Variants in KCNJ15 observed in about 807,000 individuals in gnomAD.
KCNJ15 encodes potassium inwardly rectifying channel subfamily J member 15.
A neutral mutation model predicts 23.0 loss-of-function variants in KCNJ15; 14 were observed. The observed-to-expected ratio is 0.61, with a 90% confidence interval of 0.40 to 0.95. KCNJ15 has a LOEUF of 0.95. Among genes scored for constraint, KCNJ15 ranks in the 40% least tolerant of loss-of-function variants. The pLI, the probability that KCNJ15 is intolerant of heterozygous loss-of-function variation, is 0.00. For synonymous variants in KCNJ15, 185 were observed against 183.2 expected (o/e 1.01, Z -0.08); for missense variants, 388 against 461.8 (o/e 0.84, Z 1.46).
chr21:38,241,168 T>C, intron 1 of KCNJ15, among the ~76,000 whole-genome samples: 1 of 152,214 alleles, frequency 6.6e-6, no homozygotes, highest in African/African-American at 2.4e-5. Context: ...TAATCAGTTC[T>C]TTACTGTGGT....
chr21:38,292,883 C>G (rs1266357753), intron 1 of KCNJ15, among the ~76,000 whole-genome samples: 1 of 150,438 alleles, frequency 6.6e-6, no homozygotes, highest in African/African-American at 2.5e-5. Flanking sequence ...GCAGGAGAGT[C>G]GCTTGAACCC....
chr21:38,292,738 G>A (rs766745045), intron 1 of KCNJ15, among the ~76,000 whole-genome samples: 1 of 152,156 alleles, frequency 6.6e-6, no homozygotes, highest in Non-Finnish European at 1.5e-5. Flanking sequence ...GGAGGCTGAG[G>A]TGAGCAGATC....
chr21:38,281,520 G>T (rs1488516661), intron 1 of KCNJ15, among the ~76,000 whole-genome samples: 1 of 152,134 alleles, frequency 6.6e-6, no homozygotes, highest in Non-Finnish European at 1.5e-5. Context: ...AGAACATATG[G>T]TATTTGGTTT....
chr21:38,245,088 C>A (rs1051183051), intron 1 of KCNJ15, among the ~76,000 whole-genome samples: 1 of 151,920 alleles, frequency 6.6e-6, no homozygotes, highest in Admixed American at 6.6e-5. Flanking sequence ...AAGGTTTCTA[C>A]AGGCGCCGTC....
At chr21:38,240,713 A>C (rs1300971056) in intron 1 of KCNJ15, among the ~76,000 whole-genome samples, 2 of 152,246 alleles carry the variant, frequency 1.3e-5, no homozygotes, top group African/African-American at 4.8e-5. Context: ...ACCAAATAAC[A>C]CTTGACCAAA....
At chr21:38,293,056 T>TA (rs1416116729) in intron 1 of KCNJ15, among the ~76,000 whole-genome samples, 5 of 151,850 alleles carry the variant, frequency 3.3e-5, no homozygotes, top group Admixed American at 6.6e-5. Flanking sequence ...AATCCTAAGA[T>TA]AAAAAAATAT....
At chr21:38,249,448 G>T (rs145624083) in intron 1 of KCNJ15, among the ~76,000 whole-genome samples, 4 of 152,308 alleles carry the variant, frequency 2.6e-5, no homozygotes, top group Non-Finnish European at 5.9e-5. Context: ...ATCACTCTGA[G>T]TTAGGGTGAC....
At position 38,302,969 on chromosome 21, in the gene KCNJ15, A is replaced by G. The variant is rs934861791; in HGVS notation, c.*2580A>G. 1.6e-4 allele frequency: 25 copies of G among 152,230 alleles called. No individual in the cohort carries two copies. The highest frequency in any genetic ancestry group is 6.0e-4 in the African/African-American group (25 of 41,462). The allele number at this position is 152,230 out of a possible 1,614,324, so 9.4% of individuals were successfully genotyped here. On this transcript the variant is annotated 3_prime_UTR_variant, in exon 3 of 3. Coordinates refer to ENST00000398938, the MANE Select transcript of KCNJ15 (RefSeq NM_170736.3). ...TATTAAAATTGGAAATTTAATTCAA[A>G]TAAAAATCAAACAAAATAGTTGTTT...
chr21:38,288,179 T>C (rs1443583413), intron 1 of KCNJ15, among the ~76,000 whole-genome samples: 2 of 151,380 alleles, frequency 1.3e-5, no homozygotes, highest in Admixed American at 6.6e-5. Flanking sequence ...CAGCTGGGAC[T>C]ACAGGCACCT....
intron 1 of KCNJ15, among the ~76,000 whole-genome samples, chr21:38,245,555 A>G (rs2123565509): frequency 6.6e-6 from 1 of 151,736 alleles, no homozygotes; most frequent in East Asian, 1.9e-4. Context: ...TTCCATTTAT[A>G]ATAACAAAGA....
At chr21:38,245,781 CAG>C in intron 1 of KCNJ15, among the ~76,000 whole-genome samples, 1 of 152,294 alleles carries the variant, frequency 6.6e-6, no homozygotes, top group African/African-American at 2.4e-5. Context: ...GGAAATCAAA[CAG>C]AACTTTGCCT....
At chr21:38,241,967 TAAAAAAAA>T (rs34321677) in intron 1 of KCNJ15, among the ~76,000 whole-genome samples, 1 of 111,984 alleles carries the variant, frequency 8.9e-6, no homozygotes, top group African/African-American at 3.4e-5. Flanking sequence ...AGACTCCATC[TAAAAAAAA>T]AAAAAAAAAA....
At chr21:38,250,756 T>G (rs551573282) in intron 1 of KCNJ15, among the ~76,000 whole-genome samples, 2 of 152,344 alleles carry the variant, frequency 1.3e-5, no homozygotes, top group African/African-American at 4.8e-5. Flanking sequence ...AATTGACCAA[T>G]TGCTAAAATA....
intron 1 of KCNJ15, among the ~76,000 whole-genome samples, chr21:38,247,614 G>A (rs917363930): frequency 6.6e-6 from 1 of 152,126 alleles, no homozygotes. Context: ...GAATGGATAT[G>A]TAGGTAGATG....
chr21:38,238,780 T>TA (rs139694020), intron 1 of KCNJ15: 9,300 of 329,446 alleles, frequency 0.028, 172 homozygotes, highest in Non-Finnish European at 0.036. Context: ...AATGATTAGA[T>TA]AAAAGTGCTT....
intron 1 of KCNJ15, among the ~76,000 whole-genome samples, chr21:38,274,511 A>G (rs1569001179): frequency 6.6e-6 from 1 of 152,226 alleles, no homozygotes; most frequent in Non-Finnish European, 1.5e-5. Flanking sequence ...TCATGAGAGC[A>G]AATGCCTTGT....
chr21:38,300,510 A>G lies in KCNJ15; in HGVS notation c.*121A>G. 1 of 767,080 alleles carries G rather than the reference A, an allele frequency of 1.3e-6. No homozygotes were observed. Among genetic ancestry groups the G allele is most frequent in the Non-Finnish European group, 2.1e-6 (1 of 479,514 alleles). The allele number at this position is 767,080 out of a possible 1,614,324, so 47.5% of individuals were successfully genotyped here. A position where few individuals can be genotyped will look rare whatever the true frequency, so the allele number is the denominator to read the frequency against. On this transcript the variant is annotated 3_prime_UTR_variant, in exon 3 of 3. Coordinates refer to ENST00000398938, the MANE Select transcript of KCNJ15 (RefSeq NM_170736.3). ...ACGCACTCTCAAAAACTGCACGGACATACAAAATCAATCTTTTCCTTTGAT... is the reference window on the plus strand; with the variant it reads ...ACGCACTCTCAAAAACTGCACGGACGTACAAAATCAATCTTTTCCTTTGAT...
chr21:38,283,607 C>G (rs1243618246), intron 1 of KCNJ15, among the ~76,000 whole-genome samples: 2 of 152,198 alleles, frequency 1.3e-5, no homozygotes, highest in Non-Finnish European at 2.9e-5. Context: ...AGAGAACACT[C>G]TTGTACATTA....
chr21:38,234,709 A>T (rs1978486830), intron 1 of KCNJ15, among the ~76,000 whole-genome samples: 1 of 152,260 alleles, frequency 6.6e-6, no homozygotes, highest in African/African-American at 2.4e-5. Flanking sequence ...GAATTACTAG[A>T]GAGCTCTTTT....
Sources: allele counts gnomAD v4.1 joint callset (sites outside exome capture counted in the v4.1 genomes callset), GRCh38; gene constraint gnomAD v4.1.1; transcripts MANE v1.5; gene names NCBI Gene and HGNC (gene_info 2026-07-23, HGNC 2026-07-21).